NALCN: variants seen among roughly 807,000 people sequenced by gnomAD.
The protein encoded by NALCN is sodium leak channel, non-selective.
A neutral mutation model predicts 225.3 loss-of-function variants in NALCN; 111 were observed. The observed-to-expected ratio is 0.49, with a 90% CI of 0.42 to 0.58. The LOEUF is 0.58. NALCN is among the 20% of genes least tolerant of loss of function. The pLI is 0.00. For missense variants in NALCN, 1,378 were observed against 2,202.4 expected, an observed-to-expected ratio of 0.63 and a Z score of 7.49; for synonymous variants, 764 against 769.0, an observed-to-expected ratio of 0.99 and a Z score of 0.11.
At chr13:101,069,926 C>G (rs2032725274) in intron 37 of NALCN, among the ~76,000 whole-genome samples, 2 of 152,184 alleles carry the variant, frequency 1.3e-5, no homozygotes, top group Non-Finnish European at 2.9e-5. Context: ...CTTGCTATTT[C>G]TACCAACCAC....
chr13:101,149,222 G>A (rs962457081), intron 15 of NALCN, among the ~76,000 whole-genome samples: 1 of 151,992 alleles, frequency 6.6e-6, no homozygotes, highest in Non-Finnish European at 1.5e-5. Context: ...GAACCCGGGA[G>A]GTGGAGCTTA....
At chr13:101,312,830 A>AC (rs1469634355) in intron 7 of NALCN, among the ~76,000 whole-genome samples, 1 of 152,158 alleles carries the variant, frequency 6.6e-6, no homozygotes, top group Non-Finnish European at 1.5e-5. Context: ...GGAAAAAACT[A>AC]CTTTAAAGTT....
intron 15 of NALCN, among the ~76,000 whole-genome samples, chr13:101,167,456 G>A (rs1241143977): frequency 6.6e-6 from 1 of 152,146 alleles, no homozygotes; most frequent in Non-Finnish European, 1.5e-5. Flanking sequence ...ATATTTTCAA[G>A]TTACTATGAG....
intron 34 of NALCN, among the ~76,000 whole-genome samples, chr13:101,077,407 C>CCCT (rs2033330520): frequency 1.3e-5 from 2 of 152,244 alleles, no homozygotes; most frequent in African/African-American, 4.8e-5. Flanking sequence ...AAGTTTGGAA[C>CCCT]TTCCTACTTG....
Position 101,257,314 on chromosome 13 carries a change from C to T in NALCN, c.1266+1129G>A, listed in dbSNP as rs569183341. 3.4e-3 allele frequency among the ~76,000 whole-genome samples: 498 copies of T among 146,204 alleles called. 2 individuals carry two copies. Among genetic ancestry groups the T allele is most frequent in the Non-Finnish European group, 5.6e-3 (373 of 67,146 alleles). ...TAGCCCAGTAAAAGTTTTGTATTAA[C>T]GGTATTTTGTTTCAGGAGACATACT... is the stretch of plus-strand genomic sequence containing the variant. On this transcript the variant is annotated intron_variant, in intron 11 of 43. Transcript: ENST00000251127.
intron 28 of NALCN, among the ~76,000 whole-genome samples, chr13:101,094,045 C>T (rs900727977): frequency 2.0e-5 from 3 of 152,218 alleles, no homozygotes; most frequent in Admixed American, 2.0e-4. Flanking sequence ...CTCTCCAGCC[C>T]AGGAGTGCCT....
intron 6 of NALCN, among the ~76,000 whole-genome samples, chr13:101,353,427 G>A (rs2045962406): frequency 6.6e-6 from 1 of 152,098 alleles, no homozygotes; most frequent in Non-Finnish European, 1.5e-5. Context: ...CTCTGGTCAG[G>A]ATTAATTATA....
chr13:101,193,104 T>TTA (rs1407650141), intron 13 of NALCN, among the ~76,000 whole-genome samples: 21 of 65,996 alleles, frequency 3.2e-4, no homozygotes, highest in South Asian at 1.7e-3. Flanking sequence ...GATTCCTTCT[T>TTA]TTTTTTTTTT....
At chr13:101,118,837 A>T (rs993131331) in intron 18 of NALCN, among the ~76,000 whole-genome samples, 2 of 152,180 alleles carry the variant, frequency 1.3e-5, no homozygotes, top group Non-Finnish European at 2.9e-5. Flanking sequence ...CTGTAGGGTC[A>T]GTCCAGCACC....
chr13:101,291,951 G>C (rs1566539246), intron 9 of NALCN, 39 bp downstream of exon 9: 1 of 1,596,914 alleles, frequency 6.3e-7, no homozygotes, highest in Non-Finnish European at 8.6e-7. Flanking sequence ...ACATGTGCAT[G>C]CTCGAATGGG....
intron 3 of NALCN, among the ~76,000 whole-genome samples, chr13:101,388,899 A>C (rs941182262): frequency 1.1e-4 from 17 of 152,240 alleles, no homozygotes; most frequent in African/African-American, 4.1e-4. Flanking sequence ...CATGGCCCCA[A>C]TAACCACTAC....
chr13:101,335,135 A>G (rs2045336187), intron 7 of NALCN, among the ~76,000 whole-genome samples: 1 of 152,140 alleles, frequency 6.6e-6, no homozygotes, highest in South Asian at 2.1e-4. Context: ...ATTTCCTTTC[A>G]CTGTCTGATG....
intron 37 of NALCN, among the ~76,000 whole-genome samples, chr13:101,071,629 G>T (rs2032893478): frequency 6.6e-6 from 1 of 152,156 alleles, no homozygotes; most frequent in Non-Finnish European, 1.5e-5. Flanking sequence ...GCATGTTGTG[G>T]CTAGTCTGAT....
At chr13:101,359,674 G>C (rs1230780242) in intron 6 of NALCN, among the ~76,000 whole-genome samples, 3 of 152,050 alleles carry the variant, frequency 2.0e-5, no homozygotes, top group Non-Finnish European at 4.4e-5. Context: ...TTCTTTCTTA[G>C]GTTTTCTTTG....
chr13:101,292,471 A>G lies in NALCN; in HGVS notation c.800-105T>C. On this transcript the variant is annotated intron_variant, in intron 7 of 43. Transcript: ENST00000251127. This position sits in a 1 kb window ranked among gnomAD's most constrained non-coding sequence, Gnocchi z 4.3. ...TTTATCCATACTTATTTTCTCAATG[A>G]CAAAAGTGCTTCAAAAATTGATTAG... 8.3e-7 allele frequency: 1 copy of G among 1,199,008 alleles called. No individual in the cohort carries two copies. 74.3% of individuals were successfully genotyped at this position (1,199,008 alleles called of 1,614,324 possible).
chr13:101,249,479 T>TA (rs1372311453), intron 11 of NALCN, among the ~76,000 whole-genome samples: 1 of 152,090 alleles, frequency 6.6e-6, no homozygotes, highest in African/African-American at 2.4e-5. Context: ...TAAAAGAAAA[T>TA]AAAATCACAG....
At chr13:101,194,450 G>A (rs1402273971) in intron 13 of NALCN, among the ~76,000 whole-genome samples, 1 of 152,104 alleles carries the variant, frequency 6.6e-6, no homozygotes, top group African/African-American at 2.4e-5. Flanking sequence ...TTGCTTGAAG[G>A]GTGCCTTATC....
At chr13:101,285,664 C>T (rs555300321) in intron 9 of NALCN, among the ~76,000 whole-genome samples, 3 of 152,290 alleles carry the variant, frequency 2.0e-5, no homozygotes, top group East Asian at 3.9e-4. Context: ...TGTCCATTTA[C>T]AGGATTCTGA....
chr13:101,338,823 G>A (rs1390671310), intron 7 of NALCN, among the ~76,000 whole-genome samples: 1 of 152,214 alleles, frequency 6.6e-6, no homozygotes, highest in Non-Finnish European at 1.5e-5. Flanking sequence ...ACTATTTTGA[G>A]TTGTAAGACG....
Sources: allele counts gnomAD v4.1 joint callset (sites outside exome capture counted in the v4.1 genomes callset), GRCh38; gene constraint gnomAD v4.1.1; non-coding constraint Gnocchi (gnomAD v3.1); transcripts MANE v1.5; gene names NCBI Gene and HGNC (gene_info 2026-07-23, HGNC 2026-07-21).